The following TRMT9B variants were observed in gnomAD, a reference collection of about 807,000 sequenced individuals.
The protein encoded by TRMT9B is tRNA methyltransferase 9B (putative).
A neutral mutation model predicts 11.5 loss-of-function variants in TRMT9B; 16 were observed. The observed-to-expected ratio is 1.39, with a 90% CI of 0.94 to 2.11. The LOEUF (loss-of-function observed/expected upper bound fraction) is 2.11. TRMT9B is among the 30% of genes most tolerant of loss of function. TRMT9B has a pLI of 0.00. For synonymous variants in TRMT9B, 274 were observed against 192.4 expected, an observed-to-expected ratio of 1.42 and a Z score of -3.51; for missense variants, 941 against 553.8, an observed-to-expected ratio of 1.70 and a Z score of -7.02.
intron 1 of TRMT9B, among the ~76,000 whole-genome samples, chr8:12,954,596 C>T (rs530636108): frequency 1.3e-5 from 2 of 152,236 alleles, no homozygotes; most frequent in South Asian, 2.1e-4. Flanking sequence ...TGTTTTTACT[C>T]GTAGATAAAT....
chr8:12,963,575 C>T (rs1802426682), intron 1 of TRMT9B, among the ~76,000 whole-genome samples: 1 of 152,088 alleles, frequency 6.6e-6, no homozygotes, highest in East Asian at 1.9e-4. Context: ...CATGGTGAAA[C>T]CCCGTCTCTA....
chr8:13,012,616 A>G, intron 3 of TRMT9B, 68 bp from the exon 4 acceptor site: 1 of 1,492,908 alleles, frequency 6.7e-7, no homozygotes. Flanking sequence ...ATTTCTTGTT[A>G]TGAGACAAAT....
Position 13,006,341 on chromosome 8 carries a change from C to G in TRMT9B, c.139C>G (p.Leu47Val), listed in dbSNP as rs1055532652. ...CCTGCAAGAGCAGAAGCCAGGCAGC[C>G]TCATCGCTGACATAGGTAACCAGGC... ...QFLQEQKPGS[L>V]IADIGCGTGK... Residue 47 changes from leucine to valine, a missense_variant, in exon 3 of 5, where the codon CTC becomes GTC. Transcript: ENST00000524591. 5.6e-6 allele frequency: 9 copies of G among 1,600,378 alleles called. No individual in the cohort carries two copies. In the East Asian group the frequency reaches 1.8e-4, roughly 32 times the overall value.
chr8:12,970,217 A>C (rs1299385442), intron 1 of TRMT9B: 1 of 152,242 alleles, frequency 6.6e-6, no homozygotes, highest in Non-Finnish European at 1.5e-5. Flanking sequence ...TTACTTCGTT[A>C]GCTTGTAGAC....
chr8:12,967,454 G>A (rs189282351), intron 1 of TRMT9B, among the ~76,000 whole-genome samples: 27 of 152,284 alleles, frequency 1.8e-4, no homozygotes, highest in Non-Finnish European at 1.6e-4. Context: ...TGGTGACAAC[G>A]ATGATTTGTT....
chr8:13,020,479 A>T (rs988079122), intron 4 of TRMT9B, among the ~76,000 whole-genome samples: 1 of 152,158 alleles, frequency 6.6e-6, no homozygotes, highest in Non-Finnish European at 1.5e-5. Context: ...AACCAATTGG[A>T]CTTGGGGTGA....
chr8:12,959,516 C>CTCTTTTTTTTTTTTTTT lies in TRMT9B; in HGVS notation c.-200+13551_-200+13552insCTTTTTTTTTTTTTTTT, dbSNP rs757156112. On this transcript the variant is annotated intron_variant, in intron 1 of 4. Transcript: ENST00000524591. Reference sequence around the variant, plus strand: ...TCTCCTCTCCTTTCCTTTTTCCTTCCTTTTTTTTTTTTTTTTTTTTTTTGA... The same window carrying CTCTTTTTTTTTTTTTTT: ...TCTCCTCTCCTTTCCTTTTTCCTTCCTCTTTTTTTTTTTTTTTTTTTTTTTTTTTTTTTTTTTTTTGA... Among the ~76,000 whole-genome samples the CTCTTTTTTTTTTTTTTT allele has an allele frequency of 4.0e-5, 3 of 74,934 alleles. 1 individual carries two copies. The highest frequency in any genetic ancestry group is 1.5e-4 in the African/African-American group (3 of 19,960). The allele number at this position is 74,934 out of a possible 152,430, so 49.2% of individuals were successfully genotyped here.
At chr8:12,972,401 T>C (rs1803773414) in intron 1 of TRMT9B, among the ~76,000 whole-genome samples, 1 of 151,962 alleles carries the variant, frequency 6.6e-6, no homozygotes, top group Non-Finnish European at 1.5e-5. Flanking sequence ...GGGCGAGGTG[T>C]CTTTTAGGGG....
At chr8:12,954,372 T>C (rs954123019) in intron 1 of TRMT9B, among the ~76,000 whole-genome samples, 1 of 152,228 alleles carries the variant, frequency 6.6e-6, no homozygotes. Flanking sequence ...GAAGGCTCTA[T>C]CATTGCTTTG....
rs1002390376 is a variant in TRMT9B at position 13,026,390 on chromosome 8, G to C, written c.*4346G>C. 6.0e-6 allele frequency: 1 copy of C among 165,556 alleles called. No individual in the cohort carries two copies. Among genetic ancestry groups the C allele is most frequent in the African/African-American group, 2.4e-5 (1 of 40,986 alleles). The allele number at this position is 165,556 out of a possible 1,614,324, so 10.3% of individuals were successfully genotyped here. A position where few individuals can be genotyped will look rare whatever the true frequency, so the allele number is the denominator to read the frequency against. The stretch of plus-strand genomic sequence containing the variant: ...TGGGACCTGTTGTGACCCCGCTGAG[G>C]GAGTTCCTCTTGCCCTCTACCCCCG... On this transcript the variant is annotated 3_prime_UTR_variant, in exon 5 of 5. Coordinates refer to ENST00000524591, the MANE Select transcript of TRMT9B (RefSeq NM_020844.3).
In TRMT9B at chr8:13,006,433, C is replaced by CGCTGACATAGGTAACCAGGCAGCCTCATT. The variant is rs1810488561; in HGVS notation, c.154+82_154+110dup. On this transcript the variant is annotated intron_variant, in intron 3 of 4. Transcript: ENST00000524591. ...GACATAGGTAACCAGGCAGCCTCAT[C>CGCTGACATAGGTAACCAGGCAGCCTCATT]GCTGACATAGGTAACCAGGCAGCCT... 10 of 1,449,458 alleles carry CGCTGACATAGGTAACCAGGCAGCCTCATT rather than the reference C, an allele frequency of 6.9e-6. 4 individuals carry two copies. Among genetic ancestry groups the CGCTGACATAGGTAACCAGGCAGCCTCATT allele is most frequent in the Admixed American group, 6.2e-5 (3 of 48,358 alleles). 89.8% of individuals were successfully genotyped at this position (1,449,458 alleles called of 1,614,324 possible).
At chr8:12,956,424 A>G (rs867226571) in intron 1 of TRMT9B, among the ~76,000 whole-genome samples, 1 of 152,220 alleles carries the variant, frequency 6.6e-6, no homozygotes, top group Non-Finnish European at 1.5e-5. Context: ...TGCTGGAAAA[A>G]GCATCAAGCA....
chr8:13,009,119 A>G (rs1282593585), intron 3 of TRMT9B, among the ~76,000 whole-genome samples: 1 of 152,182 alleles, frequency 6.6e-6, no homozygotes, highest in Non-Finnish European at 1.5e-5. Flanking sequence ...AGGAACCTGG[A>G]AGATATTATG....
At chr8:12,971,262 G>A (rs879853326) in intron 1 of TRMT9B, among the ~76,000 whole-genome samples, 1 of 148,080 alleles carries the variant, frequency 6.8e-6, no homozygotes, top group Non-Finnish European at 1.5e-5. Flanking sequence ...TTCTTTTTTT[G>A]TTTTGTTTTT....
chr8:12,948,139 T>A (rs1356003843), intron 1 of TRMT9B, among the ~76,000 whole-genome samples: 2 of 152,208 alleles, frequency 1.3e-5, no homozygotes, highest in Non-Finnish European at 2.9e-5. Context: ...CCTAACCTAC[T>A]GAACATGATA....
At chr8:12,950,288 C>G (rs1348892518) in intron 1 of TRMT9B, among the ~76,000 whole-genome samples, 3 of 152,210 alleles carry the variant, frequency 2.0e-5, no homozygotes, top group Non-Finnish European at 4.4e-5. Context: ...CTGTTTATCA[C>G]AGTCTTTCAA....
intron 1 of TRMT9B, among the ~76,000 whole-genome samples, chr8:12,954,225 G>T (rs1187873927): frequency 6.6e-6 from 1 of 152,218 alleles, no homozygotes; most frequent in Non-Finnish European, 1.5e-5. Flanking sequence ...GGAGATTGCA[G>T]GGGTTGTAAA....
chr8:12,951,403 G>A (rs1419301291), intron 1 of TRMT9B: 1 of 152,372 alleles, frequency 6.6e-6, no homozygotes, highest in African/African-American at 2.4e-5. Context: ...ATGCGCTGCG[G>A]GCCGACCAGG....
rs533217550 is a variant in TRMT9B at position 12,980,930 on chromosome 8, TTTTG to T, written c.-199-9890_-199-9887del. Among the ~76,000 whole-genome samples the T allele has an allele frequency of 3.4e-3, 523 of 152,314 alleles. 1 individual carries two copies. The highest frequency in any genetic ancestry group is 5.9e-3 in the Non-Finnish European group (403 of 68,028). ...CCAGGAAGTCACTATGCGAATTCTT[TTTTG>T]TTTGTTTGTTTGTGTTTCTTTGATC... is the stretch of plus-strand genomic sequence containing the variant. On this transcript the variant is annotated intron_variant, in intron 1 of 4. Transcript: ENST00000524591.
Sources: gnomAD v4.1 joint callset for allele counts (sites outside exome capture counted in the v4.1 genomes callset) on GRCh38, gnomAD v4.1.1 for gene constraint, MANE v1.5 for transcripts, NCBI Gene and HGNC (gene_info 2026-07-23, HGNC 2026-07-21) for gene names.